Variants in MORC1 observed in about 807,000 individuals in gnomAD.
MORC1 encodes the protein MORC family CW-type zinc finger 1, also known as MORC family CW-type zinc finger protein 1.
A neutral mutation model predicts 134.9 loss-of-function variants in MORC1; 59 were observed. The observed-to-expected ratio is 0.44, with a 90% CI of 0.35 to 0.54. The LOEUF (loss-of-function observed/expected upper bound fraction) is 0.54, where lower values mean the gene tolerates loss of function less well. Among genes scored for constraint, MORC1 ranks in the 20% least tolerant of loss-of-function variants. The pLI, the probability that MORC1 is intolerant of heterozygous loss-of-function variation, is 0.00. For synonymous variants in MORC1, 395 were observed against 391.7 expected, an observed-to-expected ratio of 1.01 and a Z score of -0.10; for missense variants, 947 against 1,134.5, an observed-to-expected ratio of 0.83 and a Z score of 2.37.
chr3:109,000,033 A>G (rs3804696), intron 21 of MORC1, among the ~76,000 whole-genome samples: 63,974 of 151,954 alleles, frequency 0.42, 14,167 homozygotes, highest in Middle Eastern at 0.55. Flanking sequence ...GATTCTACAG[A>G]AGCCCAGATA....
At chr3:109,099,230 T>C in intron 6 of MORC1, 128 bp downstream of exon 6, 3 of 654,590 alleles carry the variant, frequency 4.6e-6, no homozygotes, top group South Asian at 2.3e-5. Flanking sequence ...CTTCTCTCCA[T>C]TTCCCAAACA....
intron 8 of MORC1, among the ~76,000 whole-genome samples, chr3:109,090,262 T>C (rs1257036384): frequency 6.6e-6 from 1 of 152,116 alleles, no homozygotes; most frequent in Non-Finnish European, 1.5e-5. Context: ...ACTGGTCTGA[T>C]TACTGCTGTT....
intron 21 of MORC1, among the ~76,000 whole-genome samples, chr3:108,995,335 C>T (rs556007182): frequency 5.3e-5 from 8 of 152,298 alleles, no homozygotes; most frequent in East Asian, 1.9e-4. Context: ...CCTTCCCATC[C>T]GGGATTAACT....
At chr3:109,078,785 G>A (rs1229601490) in intron 8 of MORC1, among the ~76,000 whole-genome samples, 3 of 151,826 alleles carry the variant, frequency 2.0e-5, no homozygotes, top group South Asian at 2.1e-4. Context: ...AAGAAAGAGA[G>A]ATGGGAGAAT....
intron 6 of MORC1, among the ~76,000 whole-genome samples, chr3:109,095,914 C>T (rs74991054): frequency 0.033 from 4,968 of 152,178 alleles, 256 homozygotes; most frequent in African/African-American, 0.11. Context: ...AGAGCTTGCA[C>T]TCGTCATTTT....
At chr3:108,974,037 A>AC (rs1363276350) in intron 24 of MORC1, among the ~76,000 whole-genome samples, 31 of 151,022 alleles carry the variant, frequency 2.1e-4, no homozygotes, top group African/African-American at 7.5e-4. Flanking sequence ...TATTACAGAC[A>AC]CCCCCACCCC....
In MORC1 at chr3:109,057,506, G is replaced by C. The variant is rs201618239; in HGVS notation, c.1032-20C>G. 5.0e-5 allele frequency: 77 copies of C among 1,550,250 alleles called. No individual in the cohort carries two copies. In the Admixed American group the frequency reaches 1.6e-3, roughly 32 times the overall value. On this transcript the variant is annotated intron_variant, in intron 12 of 27. Transcript: ENST00000232603. ...AATTCTCTAGAGTTACATTTAAAAA[G>C]TTTAAAAAGTTGTTTATTAAATAAA...
At chr3:109,065,710 A>G (rs1576701437) in intron 9 of MORC1, among the ~76,000 whole-genome samples, 2 of 152,190 alleles carry the variant, frequency 1.3e-5, no homozygotes, top group East Asian at 3.8e-4. Context: ...AAAGACACAC[A>G]CACTCATATG....
chr3:108,985,331 T>C (rs908637339), intron 22 of MORC1, among the ~76,000 whole-genome samples: 13 of 152,358 alleles, frequency 8.5e-5, no homozygotes, highest in Admixed American at 5.9e-4. Flanking sequence ...AGAAATTCTA[T>C]GATCCACTTG....
rs755373363 is a variant in MORC1 at position 109,027,765 on chromosome 3, C to A, written c.1690G>T (p.Glu564Ter). 6.2e-6 allele frequency: 10 copies of A among 1,613,658 alleles called. No homozygotes were observed. The highest frequency in any genetic ancestry group is 3.3e-4 in the Middle Eastern group (2 of 6,080). The change falls in exon 17 of 28, where the codon GAA (glutamate) becomes TAA (stop). Residue 564 changes from glutamate (E) to a stop codon, truncating the protein, a stop_gained. Transcript: ENST00000232603. LOFTEE classifies it high-confidence loss of function. ...TCACAACTCACCTGTGGCTGCTGTT[C>A]TGCCAGTCTATTTTGATACTTTATG... ...SVIKYQNRLA[E>*]QQPQPQFIPV... is the part of the protein sequence containing the mutation.
At chr3:109,114,806 C>T (rs1576761195) in intron 1 of MORC1, among the ~76,000 whole-genome samples, 1 of 152,228 alleles carries the variant, frequency 6.6e-6, no homozygotes, top group African/African-American at 2.4e-5. Context: ...CAAGATATTT[C>T]TGAAGAATAC....
chr3:108,996,535 C>G (rs1446936001), intron 21 of MORC1, among the ~76,000 whole-genome samples: 4 of 152,282 alleles, frequency 2.6e-5, no homozygotes, highest in African/African-American at 9.6e-5. Context: ...AAAAACTCCT[C>G]ATTATTTTCC....
At chr3:109,019,620 C>A (rs1187606336) in intron 17 of MORC1, among the ~76,000 whole-genome samples, 2 of 152,194 alleles carry the variant, frequency 1.3e-5, no homozygotes, top group African/African-American at 4.8e-5. Flanking sequence ...CATGGTTCTG[C>A]AGTTTCCTAA....
intron 21 of MORC1, among the ~76,000 whole-genome samples, chr3:108,987,582 G>A (rs1947929163): frequency 1.3e-5 from 2 of 152,110 alleles, no homozygotes; most frequent in South Asian, 4.1e-4. Context: ...CTGGCACCTG[G>A]AGAGAGAGGA....
chr3:109,081,304 C>T (rs1329287278), intron 8 of MORC1, among the ~76,000 whole-genome samples: 1 of 152,146 alleles, frequency 6.6e-6, no homozygotes, highest in African/African-American at 2.4e-5. Context: ...AGCAAGCTGG[C>T]TTCACATTCC....
chr3:108,996,669 A>G (rs1012493189), intron 21 of MORC1, among the ~76,000 whole-genome samples: 3 of 152,180 alleles, frequency 2.0e-5, no homozygotes, highest in Admixed American at 2.0e-4. Flanking sequence ...GACTTTGAAA[A>G]TGAATGGTTC....
At chr3:108,973,320 T>C (rs1390826423) in intron 24 of MORC1, among the ~76,000 whole-genome samples, 2 of 152,072 alleles carry the variant, frequency 1.3e-5, no homozygotes, top group Non-Finnish European at 2.9e-5. Flanking sequence ...GCTATTCCAA[T>C]ACCATGTGAT....
chr3:109,117,871 C>CAAAT (rs1432562351), intron 1 of MORC1, 124 bp downstream of exon 1: 2 of 858,432 alleles, frequency 2.3e-6, no homozygotes, highest in South Asian at 1.5e-5. Flanking sequence ...CTATACAGCT[C>CAAAT]AAATAAATAA....
chr3:109,003,446 CCCTGT>C (rs1438428145), intron 20 of MORC1, among the ~76,000 whole-genome samples: 1 of 150,550 alleles, frequency 6.6e-6, no homozygotes, highest in Non-Finnish European at 1.5e-5. Flanking sequence ...CATACTGAGT[CCCTGT>C]ATTTAATGTC....
Sources: gnomAD v4.1 joint callset for allele counts (sites outside exome capture counted in the v4.1 genomes callset) on GRCh38, gnomAD v4.1.1 for gene constraint, MANE v1.5 for transcripts, NCBI Gene and HGNC (gene_info 2026-07-23, HGNC 2026-07-21) for gene names.